The following SPEF2 variants were observed in gnomAD, a reference collection of about 807,000 sequenced individuals.
SPEF2 encodes sperm flagella and cilia-associated protein 2.
A neutral mutation model predicts 224.6 loss-of-function variants in SPEF2; 187 were observed. The ratio of observed to expected loss-of-function variants is 0.83; its 90% CI spans 0.74 to 0.94. The LOEUF is 0.94. SPEF2 is among the 40% of genes least tolerant of loss of function. The probability of loss-of-function intolerance (pLI) is 0.00; values close to 1 mark genes in which losing one functional copy is unlikely to be tolerated. For synonymous variants in SPEF2, 715 were observed against 707.3 expected, an observed-to-expected ratio of 1.01 and a Z score of -0.17; for missense variants, 2,170 against 2,135.6, an observed-to-expected ratio of 1.02 and a Z score of -0.32.
At chr5:35,709,953 A>G in intron 19 of SPEF2, 2 of 984,832 alleles carry the variant, frequency 2.0e-6, no homozygotes, top group African/African-American at 1.7e-5. Flanking sequence ...TCTAAACTCT[A>G]TAGTCTTTCT....
chr5:35,723,894 G>T (rs1470069960), intron 20 of SPEF2, among the ~76,000 whole-genome samples: 2 of 152,204 alleles, frequency 1.3e-5, no homozygotes, highest in Non-Finnish European at 2.9e-5. Flanking sequence ...TTGGAAGGTT[G>T]ATGCCACACA....
intron 4 of SPEF2, 42 bp downstream of exon 4, chr5:35,644,567 T>C: frequency 6.7e-7 from 1 of 1,481,504 alleles, no homozygotes; most frequent in Non-Finnish European, 9.1e-7. Flanking sequence ...TAGTGCATAG[T>C]ATACAGTTTG....
intron 27 of SPEF2, among the ~76,000 whole-genome samples, chr5:35,772,437 C>T (rs575853409): frequency 6.6e-6 from 1 of 152,232 alleles, no homozygotes; most frequent in South Asian, 2.1e-4. Context: ...AACCACAATT[C>T]CTGCCCTAAT....
intron 2 of SPEF2, among the ~76,000 whole-genome samples, chr5:35,632,280 G>T (rs1303757584): frequency 6.6e-6 from 1 of 152,208 alleles, no homozygotes; most frequent in Non-Finnish European, 1.5e-5. Flanking sequence ...CATTGCTGGG[G>T]AGGCCTCAGG....
chr5:35,752,279 T>C lies in SPEF2; in HGVS notation c.3331-1345T>C, dbSNP rs374039930. On this transcript the variant is annotated intron_variant, in intron 23 of 36. Transcript: ENST00000356031. ...AACATGATGCTCAACACATAATAAA[T>C]GTTTAGTGAATTATTATTATTAATT... 8.6e-5 allele frequency among the ~76,000 whole-genome samples: 13 copies of C among 152,040 alleles called. No individual in the cohort carries two copies. In the East Asian group the frequency reaches 1.2e-3, roughly 14 times the overall value.
intron 30 of SPEF2, among the ~76,000 whole-genome samples, chr5:35,779,780 G>A (rs1754073954): frequency 6.6e-6 from 1 of 152,202 alleles, no homozygotes; most frequent in Non-Finnish European, 1.5e-5. Flanking sequence ...AGTGCTTGTA[G>A]ACCATAAGCA....
chr5:35,739,014 C>T (rs986149788), intron 21 of SPEF2, among the ~76,000 whole-genome samples: 1 of 152,142 alleles, frequency 6.6e-6, no homozygotes, highest in Admixed American at 6.5e-5. Flanking sequence ...GATAGAGGCT[C>T]TTTTCAAACT....
In SPEF2 at chr5:35,705,797, A is replaced by T; in HGVS notation, c.2654A>T (p.Lys885Ile). Reference protein sequence around the residue: ...KEILTTEIAKKKNKVEKKLEE... With the variant: ...KEILTTEIAKIKNKVEKKLEE... ...ATTCTTACGACTGAAATAGCAAAAAAAAAGAATAAAGGTATTTACATTTGT... is the reference window on the plus strand; with the variant it reads ...ATTCTTACGACTGAAATAGCAAAAATAAAGAATAAAGGTATTTACATTTGT... Residue 885 changes from lysine (K) to isoleucine (I), a missense_variant, in exon 18 of 37, where the codon AAA becomes ATA. Transcript: ENST00000356031. 6.7e-7 allele frequency: 1 copy of T among 1,484,440 alleles called. No individual in the cohort carries two copies. Among genetic ancestry groups the T allele is most frequent in the Non-Finnish European group, 9.2e-7 (1 of 1,092,702 alleles). The allele number at this position is 1,484,440 out of a possible 1,614,324, so 92.0% of individuals were successfully genotyped here.
chr5:35,776,289 A>T lies in SPEF2; in HGVS notation c.4111A>T (p.Lys1371Ter). ...CACGCAATTTCGACTTGAACTGATA[A>T]AGACAAAAGCATTGGCTCTTCTTGA... ...IATQFRLELI[K>*]TKALALLEDL... is the part of the protein sequence containing the mutation. Residue 1371 changes from lysine to a stop codon, truncating the protein, a stop_gained, in exon 29 of 37, where the codon AAG becomes TAG. Coordinates refer to ENST00000356031, the MANE Select transcript of SPEF2 (RefSeq NM_024867.4). LOFTEE classifies it high-confidence loss of function. 1 of 1,611,150 alleles carries T rather than the reference A, an allele frequency of 6.2e-7. No individual in the cohort carries two copies. The highest frequency in any genetic ancestry group is 8.5e-7 in the Non-Finnish European group (1 of 1,179,012).
At chr5:35,732,676 G>C (rs1745832529) in intron 21 of SPEF2, among the ~76,000 whole-genome samples, 2 of 152,278 alleles carry the variant, frequency 1.3e-5, no homozygotes, top group Admixed American at 6.5e-5. Flanking sequence ...CCCATTATGT[G>C]CAAATGCTGT....
chr5:35,686,407 G>T (rs1047667922), intron 10 of SPEF2, among the ~76,000 whole-genome samples: 1 of 151,994 alleles, frequency 6.6e-6, no homozygotes, highest in African/African-American at 2.4e-5. Context: ...ACATAATCAT[G>T]TTACTAAATA....
rs755144280 is a variant in SPEF2, at chr5:35,700,743, G to T, written c.2389G>T (p.Asp797Tyr). Residue 797 changes from aspartate (D) to tyrosine (Y), a missense_variant, in exon 16 of 37, where the codon GAT becomes TAT. Asp to Tyr is a radical substitution (Grantham distance 160, BLOSUM62 -3). Transcript: ENST00000356031. ...TACTTCCTCAATGAGTCGCATGAAT[G>T]ATATTATAGGTAAGCTGGACACCTT... ...SDTSSMSRMN[D>Y]IIAEELSYKT... 14 of 1,613,410 alleles carry T rather than the reference G, an allele frequency of 8.7e-6. No individual in the cohort carries two copies. The highest frequency in any genetic ancestry group is 1.2e-5 in the Non-Finnish European group (14 of 1,179,588).
At chr5:35,807,517 TA>T in intron 36 of SPEF2, 1 of 990,576 alleles carries the variant, frequency 1.0e-6, no homozygotes. Context: ...TGTAGCCATG[TA>T]ATGACCCTAG....
At chr5:35,706,862 A>C (rs2149582725) in intron 18 of SPEF2, among the ~76,000 whole-genome samples, 1 of 152,318 alleles carries the variant, frequency 6.6e-6, no homozygotes, top group South Asian at 2.1e-4. Context: ...AAGAGGCTTA[A>C]CATGTCATTT....
At chr5:35,651,437 A>ACAGTC (rs1463582761) in intron 6 of SPEF2, among the ~76,000 whole-genome samples, 3 of 152,162 alleles carry the variant, frequency 2.0e-5, no homozygotes, top group Non-Finnish European at 4.4e-5. Context: ...TGGGCCAGTT[A>ACAGTC]CCTGTGGCTG....
intron 7 of SPEF2, 103 bp downstream of exon 7, chr5:35,654,829 C>A: frequency 1.0e-6 from 1 of 984,754 alleles, no homozygotes; most frequent in East Asian, 2.8e-5. Context: ...GTCTGCTACT[C>A]TGCATCAAAT....
At chr5:35,738,842 C>T (rs982588749) in intron 21 of SPEF2, among the ~76,000 whole-genome samples, 12 of 151,948 alleles carry the variant, frequency 7.9e-5, no homozygotes, top group African/African-American at 1.4e-4. Context: ...AACATTATCT[C>T]GTCTCTTCTT....
intron 20 of SPEF2, among the ~76,000 whole-genome samples, chr5:35,722,521 A>G (rs1743890403): frequency 6.7e-6 from 1 of 148,472 alleles, no homozygotes; most frequent in Non-Finnish European, 1.5e-5. Flanking sequence ...TTTAGGGTAC[A>G]TGTGCACATT....
chr5:35,663,797 G>A (rs1750050669), intron 8 of SPEF2, among the ~76,000 whole-genome samples: 1 of 152,096 alleles, frequency 6.6e-6, no homozygotes. Context: ...AATGCCCCAG[G>A]TTATAAGGGC....
Sources: allele counts gnomAD v4.1 joint callset (sites outside exome capture counted in the v4.1 genomes callset), GRCh38; gene constraint gnomAD v4.1.1; transcripts MANE v1.5; gene names NCBI Gene and HGNC (gene_info 2026-07-23, HGNC 2026-07-21).